UHRF1: variants seen among roughly 807,000 people sequenced by gnomAD.
The protein encoded by UHRF1 is ubiquitin like with PHD and ring finger domains 1.
A neutral mutation model predicts 96.5 loss-of-function variants in UHRF1; 9 were observed. The ratio of observed to expected loss-of-function variants is 0.09; its 90% CI spans 0.06 to 0.16. The LOEUF (loss-of-function observed/expected upper bound fraction) is 0.16. Among genes scored for constraint, UHRF1 ranks in the 10% least tolerant of loss-of-function variants. The probability of loss-of-function intolerance (pLI) is 1.00; values close to 1 mark genes in which losing one functional copy is unlikely to be tolerated. For synonymous variants in UHRF1, 455 were observed against 469.9 expected (o/e 0.97, Z 0.41); for missense variants, 626 against 1,131.1 (o/e 0.55, Z 6.40).
chr19:4,929,121 C>CA (rs1476547000), intron 2 of UHRF1, 101 bp from the exon 3 acceptor site: 3 of 1,479,020 alleles, frequency 2.0e-6, no homozygotes, highest in Admixed American at 2.0e-5. Context: ...TGCCCCCCCC[C>CA]CACAAGGGCT....
At chr19:4,937,610 C>T (rs1475696044) in intron 5 of UHRF1, among the ~76,000 whole-genome samples, 1 of 152,084 alleles carries the variant, frequency 6.6e-6, no homozygotes, top group Non-Finnish European at 1.5e-5. Flanking sequence ...GTGATCCGCC[C>T]GCCTTGGCCT....
chr19:4,942,039 C>T (rs887277385), intron 7 of UHRF1, 108 bp downstream of exon 7: 5 of 1,231,598 alleles, frequency 4.1e-6, no homozygotes, highest in Middle Eastern at 2.0e-4. Context: ...CTCACGCCTG[C>T]AATCCCAGTG....
intron 2 of UHRF1, among the ~76,000 whole-genome samples, chr19:4,919,093 C>T (rs911511540): frequency 2.1e-5 from 3 of 146,256 alleles, no homozygotes; most frequent in South Asian, 2.2e-4. Context: ...GGCGCGATCT[C>T]GACTCACTGC....
At chr19:4,905,551 C>T (rs1445680145), upstream of UHRF1, among the ~76,000 whole-genome samples, 1 of 149,388 alleles carries the variant, frequency 6.7e-6, no homozygotes, top group African/African-American at 2.5e-5. Context: ...GAGTTTTGCT[C>T]TTGTTGCCCA....
chr19:4,944,749 G>T (rs1307427667), intron 9 of UHRF1, among the ~76,000 whole-genome samples: 1 of 152,204 alleles, frequency 6.6e-6, no homozygotes, highest in East Asian at 1.9e-4. Flanking sequence ...CTCAGCGCTG[G>T]TTGTGATCTA....
At chr19:4,955,144 C>A (rs925393470) in intron 15 of UHRF1, among the ~76,000 whole-genome samples, 1 of 152,046 alleles carries the variant, frequency 6.6e-6, no homozygotes, top group African/African-American at 2.4e-5. Context: ...TCTCTGTCTC[C>A]CGGGGCTGTT....
intron 16 of UHRF1, among the ~76,000 whole-genome samples, chr19:4,958,226 T>C (rs754572): frequency 0.032 from 4,800 of 152,260 alleles, 258 homozygotes; most frequent in African/African-American, 0.11. Flanking sequence ...TGAGAGGCCA[T>C]GGTGTCTTTG....
chr19:4,946,262 A>G (rs1358794358), intron 10 of UHRF1, among the ~76,000 whole-genome samples: 1 of 150,288 alleles, frequency 6.7e-6, no homozygotes, highest in Non-Finnish European at 1.5e-5. Context: ...ACCTCCTGGG[A>G]GTGGAATCGC....
chr19:4,946,002 T>C (rs1164207850), intron 10 of UHRF1, 37 bp downstream of exon 10: 4 of 1,433,944 alleles, frequency 2.8e-6, no homozygotes, highest in Admixed American at 2.1e-5. Context: ...GGAGGGTTGC[T>C]CTAGTTTTTT....
chr19:4,933,418 G>A (rs904761849), intron 5 of UHRF1, among the ~76,000 whole-genome samples: 3 of 152,044 alleles, frequency 2.0e-5, no homozygotes, highest in Admixed American at 6.6e-5. Context: ...GGGTTTCACC[G>A]TTAACCAGGA....
intron 1 of UHRF1, 78 bp from the exon 2 acceptor site, chr19:4,910,798 A>G (rs1406878238): frequency 2.0e-6 from 3 of 1,472,100 alleles, no homozygotes; most frequent in Non-Finnish European, 2.7e-6. Context: ...GACAAAAGCA[A>G]CCCCGACTCC....
At chr19:4,951,587 C>T (rs1287506328) in intron 13 of UHRF1, among the ~76,000 whole-genome samples, 1 of 151,416 alleles carries the variant, frequency 6.6e-6, no homozygotes, top group African/African-American at 2.4e-5. Flanking sequence ...CCGCCTGCCG[C>T]ATCTCAGAGT....
chr19:4,925,210 T>C (rs1427293336), intron 2 of UHRF1, among the ~76,000 whole-genome samples: 1 of 152,218 alleles, frequency 6.6e-6, no homozygotes, highest in Non-Finnish European at 1.5e-5. Context: ...TTCATAGTTG[T>C]GTAATCATCA....
chr19:4,904,839 C>T (rs568894670), upstream of UHRF1, among the ~76,000 whole-genome samples: 7 of 152,326 alleles, frequency 4.6e-5, no homozygotes, highest in Non-Finnish European at 8.8e-5. Context: ...AAGCCCTTTG[C>T]ACTCTAACAA....
chr19:4,941,112 A>T (rs2033384344), intron 5 of UHRF1, among the ~76,000 whole-genome samples: 1 of 95,568 alleles, frequency 1.0e-5, no homozygotes, highest in African/African-American at 4.9e-5. Context: ...TTTTTTTGAG[A>T]CTGAGTCTTG....
chr19:4,910,756 C>A, intron 1 of UHRF1, 120 bp from the exon 2 acceptor site: 1 of 1,250,190 alleles, frequency 8.0e-7, no homozygotes. Context: ...ACTGGAAGGG[C>A]ATCCTGGGAG....
chr19:4,947,092 T>A lies in UHRF1; in HGVS notation c.1411-13T>A, dbSNP rs779346679. 5 of 1,608,976 alleles carry A rather than the reference T, an allele frequency of 3.1e-6. No individual in the cohort carries two copies. The Admixed American group carries it at 5.0e-5, about 16-fold the overall frequency. Reference sequence around the variant, plus strand: ...TCTGCAGAGGGTTCACCCAGCCTTCTTGTCTGTTTCAGGACCATGGGAATT... The same window carrying A: ...TCTGCAGAGGGTTCACCCAGCCTTCATGTCTGTTTCAGGACCATGGGAATT... On this transcript the variant is annotated splice_polypyrimidine_tract_variant and intron_variant, in intron 10 of 16. Transcript: ENST00000650932.
chr19:4,908,069 T>C (rs1013855193), upstream of UHRF1, among the ~76,000 whole-genome samples: 7 of 152,182 alleles, frequency 4.6e-5, no homozygotes, highest in African/African-American at 1.7e-4. Context: ...GACTTTGACC[T>C]TTTGTATCCC....
At chr19:4,938,417 T>G (rs1472619864) in intron 5 of UHRF1, among the ~76,000 whole-genome samples, 3 of 152,078 alleles carry the variant, frequency 2.0e-5, no homozygotes, top group Admixed American at 2.0e-4. Context: ...TGTTGGTAAT[T>G]TATGTTTTCT....
Sources: gnomAD v4.1 joint callset for allele counts (sites outside exome capture counted in the v4.1 genomes callset) on GRCh38, gnomAD v4.1.1 for gene constraint, MANE v1.5 for transcripts, NCBI Gene and HGNC (gene_info 2026-07-23, HGNC 2026-07-21) for gene names.